ARHGAP28: variants seen among roughly 807,000 people sequenced by gnomAD.
ARHGAP28 encodes the protein Rho GTPase activating protein 28.
ARHGAP28 carries 56 observed loss-of-function variants against 90.7 expected under a neutral mutation model. The ratio of observed to expected loss-of-function variants is 0.62; its 90% CI spans 0.50 to 0.77. The LOEUF (loss-of-function observed/expected upper bound fraction) is 0.77, where lower values mean the gene tolerates loss of function less well. Among genes scored for constraint, ARHGAP28 ranks in the 30% least tolerant of loss-of-function variants. ARHGAP28 has a pLI of 0.00. For synonymous variants in ARHGAP28, 308 were observed against 323.3 expected, an observed-to-expected ratio of 0.95 and a Z score of 0.51; for missense variants, 869 against 900.9, an observed-to-expected ratio of 0.96 and a Z score of 0.45.
chr18:6,756,718 A>C (rs568337795), intron 1 of ARHGAP28, among the ~76,000 whole-genome samples: 6 of 152,326 alleles, frequency 3.9e-5, no homozygotes, highest in African/African-American at 1.4e-4. Flanking sequence ...AAATCTCAAA[A>C]GTAGGGAAGC....
chr18:6,781,164 G>A (rs960968138), intron 1 of ARHGAP28, among the ~76,000 whole-genome samples: 2 of 152,162 alleles, frequency 1.3e-5, no homozygotes, highest in Admixed American at 1.3e-4. Context: ...GCTGCTGGAA[G>A]CCATTGCATC....
chr18:6,873,841 A>G (rs2057109776), intron 9 of ARHGAP28, 66 bp downstream of exon 9: 5 of 1,322,178 alleles, frequency 3.8e-6, no homozygotes, highest in Admixed American at 3.9e-5. Flanking sequence ...CACTTTGTAA[A>G]CCCACAAATG....
At chr18:6,835,751 C>A (rs1023181597) in intron 2 of ARHGAP28, among the ~76,000 whole-genome samples, 2 of 151,740 alleles carry the variant, frequency 1.3e-5, no homozygotes, top group African/African-American at 4.8e-5. Flanking sequence ...GAATTTTCTT[C>A]TGAAAAAAAG....
chr18:6,746,254 CTCAGT>C (rs1223323620), intron 1 of ARHGAP28, among the ~76,000 whole-genome samples: 1 of 152,136 alleles, frequency 6.6e-6, no homozygotes, highest in African/African-American at 2.4e-5. Context: ...AGTCACACAC[CTCAGT>C]GCACATAATT....
chr18:6,878,368 A>T, intron 10 of ARHGAP28, among the ~76,000 whole-genome samples: 1 of 122,828 alleles, frequency 8.1e-6, no homozygotes. Context: ...GGGGGGAGGG[A>T]TAGCATTGGG....
rs908536592 is a variant in ARHGAP28 at position 6,878,495 on chromosome 18, TA to T, written c.1290+2297del. 3.2e-3 allele frequency among the ~76,000 whole-genome samples: 482 copies of T among 149,510 alleles called. 4 individuals are homozygous for T. The highest frequency in any genetic ancestry group is 0.01 in the African/African-American group (414 of 40,770). The stretch of plus-strand genomic sequence containing the variant: ...ATGTACCCTAAAACTTAAAGTATAA[TA>T]AAAAAAAAATTACAGGGCATTTCTT... On this transcript the variant is annotated intron_variant, in intron 10 of 17. Transcript: ENST00000383472.
At chr18:6,901,660 G>T (rs12456708) in intron 16 of ARHGAP28, among the ~76,000 whole-genome samples, 30,807 of 151,882 alleles carry the variant, frequency 0.2, 4,040 homozygotes, top group Non-Finnish European at 0.29. Context: ...TCTACAAAGT[G>T]TCTGAGCAGT....
chr18:6,844,210 G>T (rs1425854925), intron 3 of ARHGAP28, among the ~76,000 whole-genome samples: 1 of 152,048 alleles, frequency 6.6e-6, no homozygotes, highest in Non-Finnish European at 1.5e-5. Flanking sequence ...TATACATTTG[G>T]CTGCACATAA....
intron 1 of ARHGAP28, among the ~76,000 whole-genome samples, chr18:6,748,048 C>G (rs1471284724): frequency 6.6e-6 from 1 of 152,178 alleles, no homozygotes; most frequent in African/African-American, 2.4e-5. Flanking sequence ...GAGGCCATCT[C>G]AAACCTGGTC....
At chr18:6,892,982 T>G (rs183703932) in intron 14 of ARHGAP28, among the ~76,000 whole-genome samples, 40 of 152,374 alleles carry the variant, frequency 2.6e-4, no homozygotes, top group African/African-American at 5.3e-4. Flanking sequence ...GGCCTTTATA[T>G]TCTCAAGAAT....
chr18:6,823,187 A>G (rs2056637559), intron 1 of ARHGAP28, among the ~76,000 whole-genome samples: 1 of 152,158 alleles, frequency 6.6e-6, no homozygotes, highest in African/African-American at 2.4e-5. Flanking sequence ...TTGCAAACCC[A>G]TACCAACACG....
At chr18:6,745,634 C>T (rs1460672349) in intron 1 of ARHGAP28, among the ~76,000 whole-genome samples, 1 of 152,166 alleles carries the variant, frequency 6.6e-6, no homozygotes, top group Non-Finnish European at 1.5e-5. Flanking sequence ...TTTGTTCCTT[C>T]AATTACTCCT....
chr18:6,791,839 G>T (rs967031), intron 1 of ARHGAP28, among the ~76,000 whole-genome samples: 144,358 of 151,884 alleles, frequency 0.95, 68,647 homozygotes, highest in East Asian at 1. Context: ...TAATTTGTGG[G>T]TTTTTTTTGT....
intron 1 of ARHGAP28, among the ~76,000 whole-genome samples, chr18:6,750,372 T>C (rs535197186): frequency 1.9e-3 from 283 of 152,286 alleles, no homozygotes; most frequent in Middle Eastern, 6.8e-3. Context: ...AGCTCATGCC[T>C]CTTAGCCATC....
chr18:6,771,711 GTTGTTTCTGATCC>G (rs1567942023), intron 1 of ARHGAP28, among the ~76,000 whole-genome samples: 1 of 152,194 alleles, frequency 6.6e-6, no homozygotes, highest in African/African-American at 2.4e-5. Context: ...AATACCATAT[GTTGTTTCTGATCC>G]TTGAGACTAT....
chr18:6,854,815 G>T (rs2056939576), intron 4 of ARHGAP28, among the ~76,000 whole-genome samples: 1 of 152,076 alleles, frequency 6.6e-6, no homozygotes. Flanking sequence ...GGTGGCCTGG[G>T]AAACCCCTCC....
chr18:6,747,727 G>A (rs7241393), intron 1 of ARHGAP28, among the ~76,000 whole-genome samples: 41,167 of 152,012 alleles, frequency 0.27, 6,384 homozygotes, highest in South Asian at 0.33. Flanking sequence ...CACATTGGAA[G>A]TAGCTGATTT....
chr18:6,817,725 C>G (rs1264532858), intron 1 of ARHGAP28, among the ~76,000 whole-genome samples: 1 of 152,144 alleles, frequency 6.6e-6, no homozygotes, highest in Non-Finnish European at 1.5e-5. Flanking sequence ...GTCATCTTGT[C>G]CACATTCCAA....
chr18:6,793,137 C>T (rs2056417983), intron 1 of ARHGAP28, among the ~76,000 whole-genome samples: 1 of 152,192 alleles, frequency 6.6e-6, no homozygotes, highest in Admixed American at 6.5e-5. Flanking sequence ...AGTGATTTGA[C>T]ATCTACAGCT....
Sources: gnomAD v4.1 joint callset for allele counts (sites outside exome capture counted in the v4.1 genomes callset) on GRCh38, gnomAD v4.1.1 for gene constraint, MANE v1.5 for transcripts, NCBI Gene and HGNC (gene_info 2026-07-23, HGNC 2026-07-21) for gene names.